ROR2: variants seen among roughly 807,000 people sequenced by gnomAD.
ROR2 encodes tyrosine-protein kinase transmembrane receptor ROR2.
Under a neutral mutation model 74.9 loss-of-function variants are expected in ROR2, and 33 were observed. The ratio of observed to expected loss-of-function variants is 0.44; its 90% CI spans 0.33 to 0.59. The LOEUF is 0.59. Among genes scored for constraint, ROR2 ranks in the 20% least tolerant of loss-of-function variants. The pLI is 0.02. For missense variants in ROR2, 1,216 were observed against 1,313.8 expected (o/e 0.93, Z 1.15); for synonymous variants, 586 against 558.7 (o/e 1.05, Z -0.69).
At chr9:91,738,238 T>A (rs1825102629) in intron 4 of ROR2, among the ~76,000 whole-genome samples, 1 of 152,174 alleles carries the variant, frequency 6.6e-6, no homozygotes, top group South Asian at 2.1e-4. Flanking sequence ...AGGGAAACTA[T>A]GAGAAGGAGG....
chr9:91,831,223 T>C (rs1048705980), intron 1 of ROR2, among the ~76,000 whole-genome samples: 1 of 150,932 alleles, frequency 6.6e-6, no homozygotes, highest in Non-Finnish European at 1.5e-5. Flanking sequence ...ATTGCACCAC[T>C]GCACTCCAAG....
intron 4 of ROR2, among the ~76,000 whole-genome samples, chr9:91,754,431 C>A (rs894495461): frequency 2.0e-5 from 3 of 151,852 alleles, no homozygotes; most frequent in Non-Finnish European, 2.9e-5. Flanking sequence ...CCAAGGTGGA[C>A]GGATCACTTG....
In ROR2 at chr9:91,731,249, G is replaced by A; in HGVS notation, c.938-94C>T. On this transcript the variant is annotated intron_variant, in intron 6 of 8. Coordinates refer to ENST00000375708, the MANE Select transcript of ROR2 (RefSeq NM_004560.4). ...AACTAGAATTTCCAAAAGATCCAAG[G>A]ATTTTACATAACTTACCAGAAAAGA... 1.9e-6 allele frequency: 3 copies of A among 1,560,224 alleles called. No individual in the cohort carries two copies. The South Asian group carries it at 3.4e-5, about 17-fold the overall frequency.
intron 1 of ROR2, among the ~76,000 whole-genome samples, chr9:91,801,139 G>C (rs1214091925): frequency 1.3e-5 from 2 of 152,070 alleles, no homozygotes; most frequent in Non-Finnish European, 2.9e-5. Flanking sequence ...GCATGGAGGA[G>C]TTTAATTGGA....
chr9:91,884,118 G>C (rs1830204513), intron 1 of ROR2, among the ~76,000 whole-genome samples: 4 of 152,184 alleles, frequency 2.6e-5, no homozygotes, highest in Admixed American at 2.6e-4. Context: ...CAAGGTACTT[G>C]AGTACTAATC....
intron 3 of ROR2, among the ~76,000 whole-genome samples, chr9:91,757,026 T>G (rs1176950610): frequency 6.6e-6 from 1 of 152,118 alleles, no homozygotes; most frequent in Non-Finnish European, 1.5e-5. Flanking sequence ...CACCTCGGCC[T>G]CCCAAAGTGC....
chr9:91,731,476 G>A (rs903856672), intron 6 of ROR2, among the ~76,000 whole-genome samples: 1 of 152,118 alleles, frequency 6.6e-6, no homozygotes, highest in Admixed American at 6.5e-5. Flanking sequence ...CTTGCTCTAG[G>A]AAGAAAGCCA....
At chr9:91,795,934 C>A (rs533164264) in intron 1 of ROR2, among the ~76,000 whole-genome samples, 6 of 152,112 alleles carry the variant, frequency 3.9e-5, no homozygotes, top group African/African-American at 1.4e-4. Flanking sequence ...CAGAGGCTCC[C>A]GGTGATGCCA....
At chr9:91,735,281 C>T (rs940802813) in intron 5 of ROR2, among the ~76,000 whole-genome samples, 2 of 152,220 alleles carry the variant, frequency 1.3e-5, no homozygotes, top group African/African-American at 4.8e-5. Context: ...CTGCACACAA[C>T]GCAGTCATTA....
Position 91,949,975 on chromosome 9 carries a change from TG to T in ROR2, c.-13del. ...GAGCCCCGGGCCATGCCGCAGGCAG[TG>T]GGGGCCGGGAAGCCCTCAGAGCTTC... On this transcript the variant is annotated 5_prime_UTR_variant, in exon 1 of 9. Transcript: ENST00000375708. 2 of 1,433,290 alleles carry T rather than the reference TG, an allele frequency of 1.4e-6. No individual in the cohort carries two copies. The highest frequency in any genetic ancestry group is 1.8e-6 in the Non-Finnish European group (2 of 1,098,548). The allele number at this position is 1,433,290 out of a possible 1,614,324, so 88.8% of individuals were successfully genotyped here. A position where few individuals can be genotyped will look rare whatever the true frequency, so the allele number is the denominator to read the frequency against.
intron 1 of ROR2, among the ~76,000 whole-genome samples, chr9:91,919,631 T>C (rs1013791260): frequency 3.9e-5 from 6 of 152,224 alleles, no homozygotes; most frequent in Non-Finnish European, 7.3e-5. Flanking sequence ...AGGGTTCCTA[T>C]GACACCCATT....
chr9:91,941,810 A>G (rs900161237), intron 1 of ROR2, among the ~76,000 whole-genome samples: 1 of 115,926 alleles, frequency 8.6e-6, no homozygotes, highest in African/African-American at 3.3e-5. Flanking sequence ...TTCATTTTTG[A>G]GACAGGGTGT....
At chr9:91,830,764 A>C (rs1368769877) in intron 1 of ROR2, among the ~76,000 whole-genome samples, 1 of 152,028 alleles carries the variant, frequency 6.6e-6, no homozygotes. Context: ...ATTTTGAAAA[A>C]AAAGTTAGTA....
In ROR2 at chr9:91,737,457, T is replaced by A; in HGVS notation, c.556A>T (p.Ile186Phe). The A allele has an allele frequency of 6.2e-7, 1 of 1,614,166 alleles. No individual in the cohort carries two copies. Residue 186 changes from isoleucine (I) to phenylalanine (F), a missense_variant, in exon 5 of 9, where the codon ATT (isoleucine) becomes TTT (phenylalanine). Coordinates refer to ENST00000375708, the MANE Select transcript of ROR2 (RefSeq NM_004560.4). ...PYRGIACARF[I>F]GNRTIYVDSL... is the part of the protein sequence containing the mutation. ...TCCACATAAATGGTCCGGTTGCCAA[T>A]GAAGCGTGCACAGGCAATTCCCCGG...
intron 1 of ROR2, among the ~76,000 whole-genome samples, chr9:91,941,862 C>A (rs1267561960): frequency 1.3e-5 from 2 of 151,668 alleles, no homozygotes; most frequent in Admixed American, 6.6e-5. Flanking sequence ...ACGATCTCGG[C>A]TCACTGCAGC....
At chr9:91,767,103 G>T (rs7855079) in intron 2 of ROR2, among the ~76,000 whole-genome samples, 33,880 of 150,662 alleles carry the variant, frequency 0.22, 4,172 homozygotes, top group Admixed American at 0.31. Context: ...TGAGGCGGAG[G>T]CTCGCTCTGT....
rs943475015 is a variant in ROR2, at chr9:91,730,899, A to C, written c.1183+11T>G. 6.2e-7 allele frequency: 1 copy of C among 1,613,876 alleles called. No homozygotes were observed. The highest frequency in any genetic ancestry group is 1.3e-5 in the African/African-American group (1 of 74,886). On this transcript the variant is annotated intron_variant, in intron 7 of 8. Coordinates refer to ENST00000375708, the MANE Select transcript of ROR2 (RefSeq NM_004560.4). ...ATCAACACATTAAAAAAAGAGAGAG[A>C]GAATACATACTACACGAGGGTACGT... is the stretch of plus-strand genomic sequence containing the variant.
chr9:91,829,800 ATAGT>A (rs536239272), intron 1 of ROR2, among the ~76,000 whole-genome samples: 59 of 152,290 alleles, frequency 3.9e-4, no homozygotes, highest in South Asian at 1.0e-3. Context: ...ATTAAAAATG[ATAGT>A]TAGGTACTAT....
intron 2 of ROR2, among the ~76,000 whole-genome samples, chr9:91,771,934 T>C (rs1826244391): frequency 6.6e-6 from 1 of 152,244 alleles, no homozygotes; most frequent in East Asian, 1.9e-4. Context: ...TGACTGATGA[T>C]TGGGTTAAAT....
Sources: allele counts gnomAD v4.1 joint callset (sites outside exome capture counted in the v4.1 genomes callset), GRCh38; gene constraint gnomAD v4.1.1; transcripts MANE v1.5; gene names NCBI Gene and HGNC (gene_info 2026-07-23, HGNC 2026-07-21).